SYNPO: variants seen among roughly 807,000 people sequenced by gnomAD.
The protein encoded by SYNPO is synaptopodin.
A neutral mutation model predicts 49.5 loss-of-function variants in SYNPO; 19 were observed. That is an observed-to-expected ratio of 0.38 (90% CI 0.27 to 0.56). The LOEUF (loss-of-function observed/expected upper bound fraction) is 0.56, where lower values mean the gene tolerates loss of function less well. Ranked by LOEUF, SYNPO falls within the 20% of genes least tolerant of loss-of-function variation. The pLI is 0.68. For synonymous variants in SYNPO, 536 were observed against 548.0 expected (o/e 0.98, Z 0.31); for missense variants, 1,131 against 1,248.3 (o/e 0.91, Z 1.42).
chr5:150,591,568 A>T, the SYNPO span, among the ~76,000 whole-genome samples: 1 of 152,092 alleles, frequency 6.6e-6, no homozygotes, highest in African/African-American at 2.4e-5. Context: ...TTTTGTCACA[A>T]CTGCATTGAA....
chr5:150,629,552 G>T (rs1032588354), intron 2 of SYNPO, among the ~76,000 whole-genome samples: 2 of 152,094 alleles, frequency 1.3e-5, no homozygotes, highest in Admixed American at 1.3e-4. Context: ...AGCAGGAGGG[G>T]CTGACACCAT....
At chr5:150,636,800 G>A (rs1025785886), upstream of SYNPO, among the ~76,000 whole-genome samples, 6 of 151,894 alleles carry the variant, frequency 4.0e-5, no homozygotes, top group Non-Finnish European at 5.9e-5. Context: ...AACGCGGGGT[G>A]GGGGGTGTTG....
At chr5:150,618,484 G>A (rs371137506) in exon 2 of SYNPO, 2 of 1,551,604 alleles carry the variant, frequency 1.3e-6, no homozygotes, top group African/African-American at 2.7e-5. Context: ...AAGCCGAGGA[G>A]AGCAGCGGTG....
In SYNPO at chr5:150,635,530, G is replaced by A. The variant is rs1757687187; in HGVS notation, c.401-12414G>A. Among the ~76,000 whole-genome samples the A allele has an allele frequency of 5.9e-5, 9 of 152,274 alleles. No individual in the cohort carries two copies. The South Asian group carries it at 1.7e-3, about 28-fold the overall frequency. On this transcript the variant is annotated intron_variant, in intron 2 of 2. Transcript: ENST00000394243. ...CTTGCCCAGGCTGGAGTGCAGTGAC[G>A]CAATCTGGGCTCACTGTGACCTCCA...
intron 2 of SYNPO, among the ~76,000 whole-genome samples, chr5:150,627,546 T>C (rs1302321668): frequency 2.0e-5 from 3 of 151,580 alleles, no homozygotes; most frequent in African/African-American, 4.9e-5. Flanking sequence ...ATTGGGGAGA[T>C]AGAAAAGAAA....
intron 2 of SYNPO, among the ~76,000 whole-genome samples, chr5:150,628,519 C>A (rs1238458263): frequency 1.3e-5 from 2 of 152,086 alleles, no homozygotes; most frequent in African/African-American, 2.4e-5. Flanking sequence ...CAATAATAGA[C>A]CCTGTTGTAT....
At chr5:150,600,475 G>A (rs904363659), upstream of SYNPO, among the ~76,000 whole-genome samples, 2 of 152,246 alleles carry the variant, frequency 1.3e-5, no homozygotes, top group African/African-American at 4.8e-5. Flanking sequence ...GCCCAAATCC[G>A]GATTTGCTGT....
At chr5:150,650,504 C>T in intron 2 of SYNPO, 1 of 1,484,110 alleles carries the variant, frequency 6.7e-7, no homozygotes, top group African/African-American at 1.4e-5. Context: ...GTCGCCTCCC[C>T]TCTCTGAGCT....
At chr5:150,591,985 G>T in the SYNPO span, among the ~76,000 whole-genome samples, 2 of 152,120 alleles carry the variant, frequency 1.3e-5, no homozygotes, top group South Asian at 4.1e-4. Flanking sequence ...GACCAACATG[G>T]AGAAACCCCG....
rs1330151904 is a variant in SYNPO, at chr5:150,656,500, G to A, written c.2125G>A (p.Glu709Lys). 3.3e-6 allele frequency: 5 copies of A among 1,532,082 alleles called. No homozygotes were observed. The highest frequency in any genetic ancestry group is 3.9e-5 in the Admixed American group (2 of 50,846). 94.9% of individuals were successfully genotyped at this position (1,532,082 alleles called of 1,614,324 possible). ...CGGCTGGGTGAGCCCGGGCCCGTGG[G>A]AGCCAGGTCGCGGGAGCAGCATGAG... ...LDGWVSPGPW[E>K]PGRGSSMSSP... The change falls in exon 3 of 3, where the codon GAG becomes AAG. Residue 709 changes from glutamate (E) to lysine (K), a missense_variant. Physicochemically the swap from Glu to Lys is moderately conservative, Grantham distance 56 (BLOSUM62 1). Coordinates refer to ENST00000307662, the MANE Select transcript of SYNPO (RefSeq NM_007286.6).
chr5:150,648,644 C>G lies in SYNPO; in HGVS notation c.369C>G (p.Leu123=). 1 of 1,614,220 alleles carries G rather than the reference C, an allele frequency of 6.2e-7. No individual in the cohort carries two copies. The highest frequency in any genetic ancestry group is 8.5e-7 in the Non-Finnish European group (1 of 1,180,052). The stretch of plus-strand genomic sequence containing the variant: ...AACAGAATTCCTCAGAGGCCCAACT[C>G]CCATCTAATGGCACAGGGCCTGCTT... ...SIQQNSSEAQ[L]PSNGTGPASK... is the part of the protein sequence containing the mutation. The change falls in exon 2 of 3, where the codon CTC becomes CTG. Residue 123 remains leucine (L), a synonymous_variant. Coordinates refer to ENST00000307662, the MANE Select transcript of SYNPO (RefSeq NM_007286.6). The surrounding 1 kb of genome is among the most constrained non-coding windows in gnomAD (Gnocchi z 5.0).
chr5:150,629,249 G>A (rs979689704), intron 2 of SYNPO, among the ~76,000 whole-genome samples: 1 of 152,166 alleles, frequency 6.6e-6, no homozygotes, highest in Admixed American at 6.5e-5. Flanking sequence ...CTGGGCTCAA[G>A]TGATCCATCT....
intron 2 of SYNPO, chr5:150,652,506 A>G: frequency 1.4e-6 from 1 of 690,580 alleles, no homozygotes; most frequent in Non-Finnish European, 1.8e-6. Context: ...CTGCACTGGT[A>G]CAGACGTGTG....
chr5:150,634,808 A>C (rs528687307), intron 2 of SYNPO, among the ~76,000 whole-genome samples: 1 of 150,742 alleles, frequency 6.6e-6, no homozygotes, highest in South Asian at 2.1e-4. Context: ...CCTGGGTGAC[A>C]GAGTGAGACC....
chr5:150,606,141 C>A (rs1756687846), intron 1 of SYNPO, among the ~76,000 whole-genome samples: 2 of 152,172 alleles, frequency 1.3e-5, no homozygotes, highest in Admixed American at 1.3e-4. Context: ...GATTCACATA[C>A]AAACATACAC....
chr5:150,649,481 G>A lies in SYNPO; in HGVS notation c.1206G>A (p.Ala402=), dbSNP rs202215671. 1.5e-5 allele frequency: 25 copies of A among 1,613,992 alleles called. No individual in the cohort carries two copies. Among genetic ancestry groups the A allele is most frequent in the South Asian group, 5.5e-5 (5 of 91,080 alleles). Residue 402 remains alanine, a synonymous_variant, in exon 2 of 3, where the codon GCG becomes GCA. Coordinates refer to ENST00000307662, the MANE Select transcript of SYNPO (RefSeq NM_007286.6). ...NPDLLDLVQT[A]DEKRRQRDQG... is the part of the protein sequence containing the mutation. ...ACTTGCTGGATCTGGTACAGACAGC[G>A]GATGAGAAGCGGCGGCAGAGGGACC... is the stretch of plus-strand genomic sequence containing the variant.
Position 150,640,758 on chromosome 5 carries a change from G to C in SYNPO, c.-429G>C, listed in dbSNP as rs1757874175. ...GGATTTTCCTGGCTTCGTCAGCCAA[G>C]CAATTGGCTGCCTTTGCCGGAGGCT... On this transcript the variant is annotated 5_prime_UTR_variant, in exon 1 of 3. Transcript: ENST00000307662. 1 of 985,646 alleles carries C rather than the reference G, an allele frequency of 1.0e-6. No homozygotes were observed. The highest frequency in any genetic ancestry group is 1.2e-6 in the Non-Finnish European group (1 of 829,948). The allele number at this position is 985,646 out of a possible 1,614,324, so 61.1% of individuals were successfully genotyped here.
chr5:150,621,356 A>G (rs1757167339), intron 2 of SYNPO, among the ~76,000 whole-genome samples: 1 of 152,216 alleles, frequency 6.6e-6, no homozygotes, highest in South Asian at 2.1e-4. Context: ...TGAAATGGGC[A>G]GGGAAGACTT....
chr5:150,605,608 C>T (rs1450588628), intron 1 of SYNPO, among the ~76,000 whole-genome samples: 2 of 151,996 alleles, frequency 1.3e-5, no homozygotes, highest in African/African-American at 2.4e-5. Context: ...TAAAGGGGAC[C>T]GGAAAGGAGA....
Sources: allele counts gnomAD v4.1 joint callset (sites outside exome capture counted in the v4.1 genomes callset), GRCh38; gene constraint gnomAD v4.1.1; non-coding constraint Gnocchi (gnomAD v3.1); transcripts MANE v1.5; gene names NCBI Gene and HGNC (gene_info 2026-07-23, HGNC 2026-07-21).